The following CCR3 variants were observed in gnomAD, a reference collection of about 807,000 sequenced individuals.
CCR3 encodes the protein C-C chemokine receptor type 3.
For missense variants in CCR3, 419 were observed against 437.5 expected, an observed-to-expected ratio of 0.96 and a Z score of 0.38; for synonymous variants, 203 against 179.2, an observed-to-expected ratio of 1.13 and a Z score of -1.06.
intron 2 of CCR3, among the ~76,000 whole-genome samples, chr3:46,237,214 T>C (rs1250753660): frequency 6.6e-6 from 1 of 152,234 alleles, no homozygotes; most frequent in Non-Finnish European, 1.5e-5. Context: ...CTGATTTCCT[T>C]TCCTTTGTAA....
At chr3:46,252,446 T>G (rs1051768954) in intron 1 of CCR3, among the ~76,000 whole-genome samples, 2 of 152,076 alleles carry the variant, frequency 1.3e-5, no homozygotes, top group Non-Finnish European at 2.9e-5. Flanking sequence ...CTCAAGATGC[T>G]GGGATTGTAG....
chr3:46,210,832 A>G (rs200405900), exon 2 of CCR3: 1 of 152,288 alleles, frequency 6.6e-6, no homozygotes, highest in Non-Finnish European at 1.5e-5. Context: ...CCAAGAAAAC[A>G]ATCTCCAGGT....
At chr3:46,249,995 A>G (rs1178601683) in intron 1 of CCR3, among the ~76,000 whole-genome samples, 1 of 152,060 alleles carries the variant, frequency 6.6e-6, no homozygotes, top group Non-Finnish European at 1.5e-5. Context: ...GGGTAATAAA[A>G]TGTATATTGA....
chr3:46,248,811 T>C (rs2125929815), intron 1 of CCR3, among the ~76,000 whole-genome samples: 1 of 152,168 alleles, frequency 6.6e-6, no homozygotes, highest in Non-Finnish European at 1.5e-5. Flanking sequence ...AACAGAATAA[T>C]GGGTAGTAGA....
intron 1 of CCR3, among the ~76,000 whole-genome samples, chr3:46,253,140 C>G (rs1575505135): frequency 6.6e-6 from 1 of 152,118 alleles, no homozygotes; most frequent in African/African-American, 2.4e-5. Context: ...AAATGCTGCT[C>G]TAGCCAATCT....
At chr3:46,216,815 C>T (rs886794983) in intron 2 of CCR3, among the ~76,000 whole-genome samples, 1 of 152,174 alleles carries the variant, frequency 6.6e-6, no homozygotes, top group East Asian at 1.9e-4. Flanking sequence ...GAGAATTCAC[C>T]ACTACCAAGC....
chr3:46,251,490 G>A (rs1700310989), intron 1 of CCR3, among the ~76,000 whole-genome samples: 1 of 152,136 alleles, frequency 6.6e-6, no homozygotes, highest in Admixed American at 6.5e-5. Context: ...TGTTTCTTGG[G>A]CTGGTCGGTC....
intron 1 of CCR3, among the ~76,000 whole-genome samples, chr3:46,242,963 G>GTATATATATA (rs71095086): frequency 2.3e-5 from 2 of 86,298 alleles, no homozygotes; most frequent in East Asian, 7.2e-4. Flanking sequence ...ATATATATGT[G>GTATATATATA]TATATATATA....
chr3:46,232,236 G>A (rs34692251), intron 2 of CCR3, among the ~76,000 whole-genome samples: 8,696 of 152,254 alleles, frequency 0.057, 364 homozygotes, highest in South Asian at 0.18. Flanking sequence ...GGAATGCCCT[G>A]AAGGAATATG....
chr3:46,246,212 T>C (rs1017299201), intron 1 of CCR3, among the ~76,000 whole-genome samples: 1 of 152,182 alleles, frequency 6.6e-6, no homozygotes, highest in Non-Finnish European at 1.5e-5. Flanking sequence ...TAAGCATCTT[T>C]CATTTGTCAG....
intron 1 of CCR3, among the ~76,000 whole-genome samples, chr3:46,250,626 G>A (rs1700288556): frequency 6.6e-6 from 1 of 152,158 alleles, no homozygotes; most frequent in East Asian, 1.9e-4. Flanking sequence ...TTGTATTGGA[G>A]CCAAGCAGTG....
chr3:46,220,955 A>C (rs1318370758), intron 2 of CCR3, among the ~76,000 whole-genome samples: 4 of 152,218 alleles, frequency 2.6e-5, no homozygotes, highest in Admixed American at 1.3e-4. Context: ...CACCTAAGGA[A>C]CTTATCCATG....
chr3:46,245,704 C>T (rs1158616675), intron 1 of CCR3, among the ~76,000 whole-genome samples: 3 of 151,880 alleles, frequency 2.0e-5, no homozygotes, highest in East Asian at 1.9e-4. Context: ...TGCTCCTCTC[C>T]CTCCTCCCAC....
At chr3:46,252,424 C>A (rs1264114261) in intron 1 of CCR3, among the ~76,000 whole-genome samples, 1 of 151,926 alleles carries the variant, frequency 6.6e-6, no homozygotes, top group Admixed American at 6.6e-5. Context: ...AATGATCCAC[C>A]CACCTTGGCC....
Position 46,266,253 on chromosome 3 carries a change from G to A in CCR3, c.*27G>A. ...TCAGATGCAGAAAATTGCCTAAAGA[G>A]GAAGGACCAAGGAGATGAAGCAAAC... On this transcript the variant is annotated 3_prime_UTR_variant, in exon 2 of 2. Coordinates refer to ENST00000395940, the MANE Select transcript of CCR3 (RefSeq NM_178329.3). 1 of 1,486,120 alleles carries A rather than the reference G, an allele frequency of 6.7e-7. No homozygotes were observed. The highest frequency in any genetic ancestry group is 1.4e-5 in the African/African-American group (1 of 72,244). The allele number at this position is 1,486,120 out of a possible 1,614,324, so 92.1% of individuals were successfully genotyped here. A position where few individuals can be genotyped will look rare whatever the true frequency, so the allele number is the denominator to read the frequency against.
chr3:46,246,904 TC>T (rs1700204152), intron 1 of CCR3, among the ~76,000 whole-genome samples: 1 of 151,008 alleles, frequency 6.6e-6, no homozygotes, highest in African/African-American at 2.4e-5. Flanking sequence ...TGAAGGGAGG[TC>T]TTGTGGTAAG....
At chr3:46,254,467 C>T (rs1442231179) in intron 1 of CCR3, among the ~76,000 whole-genome samples, 1 of 145,602 alleles carries the variant, frequency 6.9e-6, no homozygotes, top group Non-Finnish European at 1.5e-5. Flanking sequence ...TATTTTTCCC[C>T]CCTGGGTTCA....
At chr3:46,215,245 C>G (rs1260430612) in intron 2 of CCR3, among the ~76,000 whole-genome samples, 1 of 152,142 alleles carries the variant, frequency 6.6e-6, no homozygotes, top group African/African-American at 2.4e-5. Context: ...CATGTGTTCT[C>G]TCTGTCAAGC....
At chr3:46,218,224 T>C (rs555137944) in intron 2 of CCR3, among the ~76,000 whole-genome samples, 28 of 152,024 alleles carry the variant, frequency 1.8e-4, no homozygotes, top group African/African-American at 6.5e-4. Context: ...CTAGAGGAGA[T>C]GGATAAATTC....
Sources: allele counts gnomAD v4.1 joint callset (sites outside exome capture counted in the v4.1 genomes callset), GRCh38; gene constraint gnomAD v4.1.1; transcripts MANE v1.5; gene names NCBI Gene and HGNC (gene_info 2026-07-23, HGNC 2026-07-21).